Variants in GPR141 observed in about 807,000 individuals in gnomAD.
GPR141 encodes the protein probable G protein-coupled receptor 141.
Under a neutral mutation model 6.8 loss-of-function variants are expected in GPR141, and 6 were observed. The observed-to-expected ratio is 0.88, with a 90% CI of 0.48 to 1.74. The LOEUF (loss-of-function observed/expected upper bound fraction) is 1.74. Among genes scored for constraint, GPR141 ranks in the 40% most tolerant of loss-of-function variants. The probability of loss-of-function intolerance (pLI) is 0.01; values close to 1 mark genes in which losing one functional copy is unlikely to be tolerated. For missense variants in GPR141, 372 were observed against 372.9 expected, an observed-to-expected ratio of 1.00 and a Z score of 0.02; for synonymous variants, 140 against 142.3, an observed-to-expected ratio of 0.98 and a Z score of 0.11.
At chr7:37,689,921 A>T in intron 2 of GPR141, among the ~76,000 whole-genome samples, 1 of 140,280 alleles carries the variant, frequency 7.1e-6, no homozygotes, top group Admixed American at 7.0e-5. Flanking sequence ...GATCGTTATT[A>T]TTTCTTTCCT....
chr7:37,692,516 A>G (rs903778062), intron 2 of GPR141, among the ~76,000 whole-genome samples: 1 of 152,168 alleles, frequency 6.6e-6, no homozygotes, highest in Non-Finnish European at 1.5e-5. Context: ...ATACCCAGTA[A>G]TGAGATTGCT....
At position 37,684,260 on chromosome 7, in the gene GPR141, A is replaced by T. The variant is rs1485890188; in HGVS notation, c.-139+357A>T. ...ATGCTTATCTTTTAAGTGATGTCTT[A>T]ATTTCCTTTTGTTATGAAAATCCTT... On this transcript the variant is annotated intron_variant, in intron 1 of 2. Transcript: ENST00000334425. Among the ~76,000 whole-genome samples the T allele has an allele frequency of 4.5e-4, 69 of 152,196 alleles. 2 individuals are homozygous for T. Among genetic ancestry groups the T allele is most frequent in the Admixed American group, 4.5e-3 (69 of 15,276 alleles).
intron 2 of GPR141, among the ~76,000 whole-genome samples, chr7:37,686,644 A>C (rs905151444): frequency 2.0e-5 from 3 of 152,002 alleles, no homozygotes; most frequent in Non-Finnish European, 4.4e-5. Context: ...GAAATGATGA[A>C]GGTATTATCA....
At chr7:37,711,325 A>G (rs1810783816) in intron 2 of GPR141, among the ~76,000 whole-genome samples, 1 of 152,220 alleles carries the variant, frequency 6.6e-6, no homozygotes, top group African/African-American at 2.4e-5. Context: ...GCACTAATCC[A>G]TCTACGTGTT....
chr7:37,727,448 A>T (rs1013027082), intron 2 of GPR141, among the ~76,000 whole-genome samples: 4 of 152,064 alleles, frequency 2.6e-5, no homozygotes, highest in Admixed American at 6.6e-5. Context: ...TAAAATAACA[A>T]CTCTGAGTCT....
At chr7:37,735,697 G>T (rs1355463746) in intron 2 of GPR141, among the ~76,000 whole-genome samples, 1 of 151,936 alleles carries the variant, frequency 6.6e-6, no homozygotes, top group Non-Finnish European at 1.5e-5. Context: ...CAAAGGAAAA[G>T]ATTACATAAT....
intron 2 of GPR141, among the ~76,000 whole-genome samples, chr7:37,708,590 T>C (rs1161135262): frequency 6.6e-6 from 1 of 152,058 alleles, no homozygotes; most frequent in Non-Finnish European, 1.5e-5. Flanking sequence ...GTCAGGGGTT[T>C]CCTCTGGGAA....
intron 2 of GPR141, among the ~76,000 whole-genome samples, chr7:37,708,664 C>T (rs989587032): frequency 1.3e-5 from 2 of 152,130 alleles, no homozygotes; most frequent in Admixed American, 1.3e-4. Flanking sequence ...ATACTGACCT[C>T]GTACAGACAG....
chr7:37,723,373 A>G (rs924045460), intron 2 of GPR141, among the ~76,000 whole-genome samples: 11 of 152,014 alleles, frequency 7.2e-5, no homozygotes, highest in Non-Finnish European at 1.6e-4. Flanking sequence ...TACCAGAAAC[A>G]CTGAGAAAAT....
At chr7:37,719,692 A>G (rs1811222015) in intron 2 of GPR141, among the ~76,000 whole-genome samples, 1 of 152,252 alleles carries the variant, frequency 6.6e-6, no homozygotes, top group Admixed American at 6.5e-5. Flanking sequence ...GTTCATAGGC[A>G]GCTGAGCAGA....
At chr7:37,737,411 C>A (rs1238097686) in intron 2 of GPR141, among the ~76,000 whole-genome samples, 1 of 152,100 alleles carries the variant, frequency 6.6e-6, no homozygotes, top group Non-Finnish European at 1.5e-5. Context: ...ATCCAGGATT[C>A]TATTACAGCA....
chr7:37,725,340 A>C (rs1811572162), intron 2 of GPR141, among the ~76,000 whole-genome samples: 1 of 152,200 alleles, frequency 6.6e-6, no homozygotes, highest in African/African-American at 2.4e-5. Flanking sequence ...AAGTGAAGCC[A>C]GGGATGGAGC....
intron 2 of GPR141, among the ~76,000 whole-genome samples, chr7:37,705,731 T>C (rs1320067075): frequency 2.6e-5 from 4 of 152,182 alleles, no homozygotes; most frequent in African/African-American, 7.2e-5. Flanking sequence ...TTGAAAATAT[T>C]TGGAGAGCAA....
chr7:37,742,098 A>G lies in GPR141; in HGVS notation c.*787A>G, dbSNP rs941959802. Among the ~76,000 whole-genome samples the G allele has an allele frequency of 4.6e-5, 7 of 152,192 alleles. No individual in the cohort carries two copies. The highest frequency in any genetic ancestry group is 1.4e-4 in the African/African-American group (6 of 41,442). On this transcript the variant is annotated 3_prime_UTR_variant, in exon 3 of 3. Coordinates refer to ENST00000334425, the MANE Select transcript of GPR141 (RefSeq NM_001381946.1). ...TAATGTGCTGGTAGGCATTAAAATGAGTTCCCAAGGGAAGTGATTAAAATT... is the reference window on the plus strand; with the variant it reads ...TAATGTGCTGGTAGGCATTAAAATGGGTTCCCAAGGGAAGTGATTAAAATT...
At chr7:37,706,172 A>C (rs1456545917) in intron 2 of GPR141, among the ~76,000 whole-genome samples, 1 of 152,112 alleles carries the variant, frequency 6.6e-6, no homozygotes, top group Admixed American at 6.5e-5. Flanking sequence ...CTTCAGTTCT[A>C]CCTGCAGGTG....
At chr7:37,727,706 T>A (rs140224646) in intron 2 of GPR141, among the ~76,000 whole-genome samples, 1 of 152,214 alleles carries the variant, frequency 6.6e-6, no homozygotes, top group African/African-American at 2.4e-5. Flanking sequence ...TTGTTTAATT[T>A]GGGGGCAAGC....
intron 2 of GPR141, among the ~76,000 whole-genome samples, chr7:37,703,138 C>G (rs1810368203): frequency 6.6e-6 from 1 of 152,090 alleles, no homozygotes; most frequent in Non-Finnish European, 1.5e-5. Flanking sequence ...AAGAATTTTA[C>G]TGTGTACACA....
chr7:37,704,957 C>T (rs1022861788), intron 2 of GPR141, among the ~76,000 whole-genome samples: 2 of 152,176 alleles, frequency 1.3e-5, no homozygotes, highest in African/African-American at 4.8e-5. Context: ...CACTAACTGA[C>T]TCTGCCTCAA....
chr7:37,730,866 C>T (rs1811896473), intron 2 of GPR141, among the ~76,000 whole-genome samples: 1 of 152,210 alleles, frequency 6.6e-6, no homozygotes, highest in Non-Finnish European at 1.5e-5. Context: ...AATTTTTTAG[C>T]AATGAAGACA....
Sources: allele counts gnomAD v4.1 joint callset (sites outside exome capture counted in the v4.1 genomes callset), GRCh38; gene constraint gnomAD v4.1.1; transcripts MANE v1.5; gene names NCBI Gene and HGNC (gene_info 2026-07-23, HGNC 2026-07-21).